Variants in FYTTD1 observed in about 807,000 individuals in gnomAD.
FYTTD1 encodes the protein forty-two-three domain containing 1, also known as UAP56-interacting factor.
FYTTD1 carries 22 observed loss-of-function variants against 40.9 expected under a neutral mutation model. The observed-to-expected ratio is 0.54, with a 90% CI of 0.38 to 0.77. FYTTD1 has a LOEUF of 0.77. FYTTD1 is among the 30% of genes least tolerant of loss of function. The probability of loss-of-function intolerance (pLI) is 0.00; values close to 1 mark genes in which losing one functional copy is unlikely to be tolerated. For synonymous variants in FYTTD1, 140 were observed against 137.9 expected, an observed-to-expected ratio of 1.01 and a Z score of -0.10; for missense variants, 351 against 392.2, an observed-to-expected ratio of 0.90 and a Z score of 0.89.
At chr3:197,778,893 G>C (rs1158939359) in intron 8 of FYTTD1, among the ~76,000 whole-genome samples, 3 of 152,202 alleles carry the variant, frequency 2.0e-5, no homozygotes, top group East Asian at 3.9e-4. Flanking sequence ...ATTTCTCCCT[G>C]GTAAATACCT....
In FYTTD1 at chr3:197,786,886, C is replaced by T. The variant is rs1730165194; in HGVS notation, c.*4977C>T. On this transcript the variant is annotated 3_prime_UTR_variant, in exon 9 of 9. Transcript: ENST00000241502. Reference sequence around the variant, plus strand: ...ACTGCAGCCTCTGCCTCCCAGGATCCTTTCCGGGTTCAAGCAATTCTTGTC... The same window carrying T: ...ACTGCAGCCTCTGCCTCCCAGGATCTTTTCCGGGTTCAAGCAATTCTTGTC... 1 of 150,876 alleles carries T rather than the reference C, an allele frequency of 6.6e-6. No individual in the cohort carries two copies. The highest frequency in any genetic ancestry group is 1.5e-5 in the Non-Finnish European group (1 of 67,764). The allele number at this position is 150,876 out of a possible 1,614,324, so 9.3% of individuals were successfully genotyped here.
chr3:197,764,981 C>G (rs1008510955), intron 2 of FYTTD1, among the ~76,000 whole-genome samples: 2 of 151,494 alleles, frequency 1.3e-5, no homozygotes, highest in Admixed American at 1.3e-4. Flanking sequence ...TCCCCAGTAG[C>G]TGGGATTACA....
intron 1 of FYTTD1, 126 bp from the exon 2 acceptor site, chr3:197,756,300 C>T (rs1729211858): frequency 8.8e-6 from 6 of 683,914 alleles, no homozygotes; most frequent in East Asian, 2.7e-5. Context: ...TTGTTATTAT[C>T]CTCTTATGGA....
chr3:197,778,312 C>T (rs1387867111), intron 7 of FYTTD1, 26 bp from the exon 8 acceptor site: 2 of 1,564,282 alleles, frequency 1.3e-6, no homozygotes, highest in Non-Finnish European at 1.7e-6. Context: ...TTAAGCTGCT[C>T]TGATATTTTA....
intron 6 of FYTTD1, among the ~76,000 whole-genome samples, chr3:197,774,806 G>A (rs925606187): frequency 1.3e-5 from 2 of 150,872 alleles, no homozygotes; most frequent in Non-Finnish European, 3.0e-5. Context: ...AGCATAGCTC[G>A]ATCGCCAGTG....
chr3:197,760,229 G>A (rs765520764), intron 2 of FYTTD1, among the ~76,000 whole-genome samples: 5 of 148,876 alleles, frequency 3.4e-5, no homozygotes, highest in South Asian at 2.1e-4. Context: ...GTATAGAATT[G>A]TTCTTCAGTG....
intron 4 of FYTTD1, among the ~76,000 whole-genome samples, chr3:197,771,864 C>T (rs565448741): frequency 2.4e-4 from 36 of 151,108 alleles, no homozygotes; most frequent in Admixed American, 1.3e-3. Flanking sequence ...GAGGCCGCTG[C>T]GTGTGGATCA....
intron 1 of FYTTD1, chr3:197,750,368 G>C (rs550355724): frequency 9.0e-7 from 1 of 1,116,966 alleles, no homozygotes; most frequent in South Asian, 4.3e-5. Context: ...CGCGGGGGGC[G>C]TCTCTTCTCC....
chr3:197,750,720 A>C, intron 1 of FYTTD1: 1 of 985,468 alleles, frequency 1.0e-6, no homozygotes, highest in Non-Finnish European at 1.2e-6. Flanking sequence ...AGCGCTGCCT[A>C]GAAAAGCACA....
At chr3:197,750,326 A>C (rs6806100) in intron 1 of FYTTD1, 938,072 of 1,138,498 alleles carry the variant, frequency 0.82, 391,060 homozygotes, top group East Asian at 0.92. Context: ...AGGCGGGGGC[A>C]GGGGCGCTGC....
At chr3:197,750,683 C>T in intron 1 of FYTTD1, 3 of 985,490 alleles carry the variant, frequency 3.0e-6, no homozygotes, top group Non-Finnish European at 2.4e-6. Context: ...CAGCGCTCGG[C>T]CGCCTGTGGG....
At chr3:197,777,145 A>G in intron 7 of FYTTD1, 144 bp downstream of exon 7, 2 of 596,066 alleles carry the variant, frequency 3.4e-6, no homozygotes, top group Non-Finnish European at 5.9e-6. Context: ...ATATGGAAAC[A>G]GTATATGGTG....
intron 1 of FYTTD1, chr3:197,750,591 G>C: frequency 1.0e-6 from 1 of 985,352 alleles, no homozygotes; most frequent in Non-Finnish European, 1.2e-6. Flanking sequence ...GGGCGTTCCA[G>C]GCCGGCGCCG....
intron 4 of FYTTD1, among the ~76,000 whole-genome samples, chr3:197,770,915 T>C (rs528805433): frequency 6.6e-6 from 1 of 152,368 alleles, no homozygotes; most frequent in South Asian, 2.1e-4. Flanking sequence ...CTCAATTTGT[T>C]ACTCAGTCTG....
Position 197,749,932 on chromosome 3 carries a change from G to C in FYTTD1, c.-40G>C, listed in dbSNP as rs944365988. 7 of 1,410,604 alleles carry C rather than the reference G, an allele frequency of 5.0e-6. No homozygotes were observed. In the African/African-American group the frequency reaches 8.9e-5, roughly 18 times the overall value. 87.4% of individuals were successfully genotyped at this position (1,410,604 alleles called of 1,614,324 possible). ...TGGGAGGTGGCAGGCCTGCGACTCC[G>C]GCCTTGTCCGCGCCCGCTCTCGGCG... On this transcript the variant is annotated 5_prime_UTR_variant, in exon 1 of 9. Transcript: ENST00000241502.
intron 2 of FYTTD1, among the ~76,000 whole-genome samples, chr3:197,756,917 T>C (rs1729230367): frequency 6.6e-6 from 1 of 152,232 alleles, no homozygotes; most frequent in Non-Finnish European, 1.5e-5. Flanking sequence ...CCAGCTTAAA[T>C]ATATTCAGTG....
chr3:197,779,528 A>ATT (rs1311856168), intron 8 of FYTTD1, among the ~76,000 whole-genome samples: 5 of 73,858 alleles, frequency 6.8e-5, no homozygotes, highest in African/African-American at 8.5e-5. Context: ...ATTCCTTAGG[A>ATT]CTTTTTTTTT....
intron 8 of FYTTD1, among the ~76,000 whole-genome samples, chr3:197,779,229 A>G (rs991927430): frequency 4.0e-4 from 61 of 152,298 alleles, no homozygotes; most frequent in African/African-American, 1.3e-3. Flanking sequence ...AGCCTGGCCA[A>G]CGTGGTGAAA....
chr3:197,781,101 G>A (rs1730016559), intron 8 of FYTTD1, among the ~76,000 whole-genome samples: 1 of 151,676 alleles, frequency 6.6e-6, no homozygotes, highest in Non-Finnish European at 1.5e-5. Flanking sequence ...ATCACTTGGG[G>A]TCAGGAGTTT....
Sources: gnomAD v4.1 joint callset for allele counts (sites outside exome capture counted in the v4.1 genomes callset) on GRCh38, gnomAD v4.1.1 for gene constraint, MANE v1.5 for transcripts, NCBI Gene and HGNC (gene_info 2026-07-23, HGNC 2026-07-21) for gene names.